Variants in DCLK1 observed in about 807,000 individuals in gnomAD.
DCLK1 encodes the protein serine/threonine-protein kinase DCLK1.
DCLK1 carries 16 observed loss-of-function variants against 86.2 expected under a neutral mutation model. That is an observed-to-expected ratio of 0.19 (90% CI 0.13 to 0.28). DCLK1 has a LOEUF of 0.28. Ranked by LOEUF, DCLK1 falls within the 10% of genes least tolerant of loss-of-function variation. The pLI, the probability that DCLK1 is intolerant of heterozygous loss-of-function variation, is 1.00. For synonymous variants in DCLK1, 369 were observed against 370.5 expected, an observed-to-expected ratio of 1.00 and a Z score of 0.05; for missense variants, 590 against 940.2, an observed-to-expected ratio of 0.63 and a Z score of 4.87.
intron 5 of DCLK1, among the ~76,000 whole-genome samples, chr13:35,869,482 G>A (rs1410648757): frequency 6.6e-6 from 1 of 152,186 alleles, no homozygotes; most frequent in Non-Finnish European, 1.5e-5. Context: ...CTCTTGGATT[G>A]CAAGGACACT....
intron 3 of DCLK1, among the ~76,000 whole-genome samples, chr13:36,051,976 T>C (rs1361577996): frequency 6.6e-6 from 1 of 152,182 alleles, no homozygotes; most frequent in Non-Finnish European, 1.5e-5. Flanking sequence ...AAAGTTAAAT[T>C]ACCTTCTTAG....
chr13:35,994,605 G>T (rs1880394298), intron 3 of DCLK1, among the ~76,000 whole-genome samples: 1 of 152,128 alleles, frequency 6.6e-6, no homozygotes, highest in South Asian at 2.1e-4. Flanking sequence ...TTTTAGAAAA[G>T]ATATTTCATG....
At chr13:36,053,141 G>C (rs576262242) in intron 3 of DCLK1, among the ~76,000 whole-genome samples, 1 of 152,130 alleles carries the variant, frequency 6.6e-6, no homozygotes. Flanking sequence ...TAAAAGGAAT[G>C]CTATATTTAA....
intron 3 of DCLK1, among the ~76,000 whole-genome samples, chr13:35,965,355 G>A (rs528412430): frequency 2.6e-5 from 4 of 152,260 alleles, no homozygotes; most frequent in South Asian, 4.2e-4. Context: ...CCAAAGGACC[G>A]GCTCCACTGA....
intron 3 of DCLK1, among the ~76,000 whole-genome samples, chr13:35,957,000 G>A (rs1878023676): frequency 6.7e-6 from 1 of 149,534 alleles, no homozygotes; most frequent in African/African-American, 2.5e-5. Context: ...GTTTATTCTT[G>A]TATCAGTTTA....
chr13:36,039,821 C>T lies in DCLK1; in HGVS notation c.723+72048G>A, dbSNP rs559534993. Reference sequence around the variant, plus strand: ...AATTTATTAGCAAAACACTTTTGAACGCAGTGTCTAATAAAGTATATTTTC... The same window carrying T: ...AATTTATTAGCAAAACACTTTTGAATGCAGTGTCTAATAAAGTATATTTTC... On this transcript the variant is annotated intron_variant, in intron 3 of 16. Transcript: ENST00000360631. Among the ~76,000 whole-genome samples the T allele has an allele frequency of 7.9e-5, 12 of 152,052 alleles. 1 individual carries two copies. The highest frequency in any genetic ancestry group is 4.1e-4 in the South Asian group (2 of 4,820).
intron 3 of DCLK1, among the ~76,000 whole-genome samples, chr13:36,023,109 G>T (rs986339349): frequency 6.6e-6 from 1 of 152,142 alleles, no homozygotes; most frequent in African/African-American, 2.4e-5. Flanking sequence ...TATTAGTCAG[G>T]GTTCTCCAGA....
At chr13:35,835,882 G>C (rs1869333557) in intron 8 of DCLK1, 151 bp downstream of exon 8, 1 of 562,792 alleles carries the variant, frequency 1.8e-6, no homozygotes, top group South Asian at 2.8e-5. Flanking sequence ...TTGTTAGATG[G>C]GTCTTTCTTT....
chr13:35,844,258 CTAG>C (rs1234198734), intron 6 of DCLK1, among the ~76,000 whole-genome samples: 40 of 152,178 alleles, frequency 2.6e-4, no homozygotes, highest in Middle Eastern at 6.8e-3. Flanking sequence ...TTTCAAAAGA[CTAG>C]AAAACTGTTA....
intron 3 of DCLK1, among the ~76,000 whole-genome samples, chr13:36,038,040 G>A (rs765578355): frequency 1.3e-5 from 2 of 152,048 alleles, no homozygotes; most frequent in South Asian, 2.1e-4. Context: ...TCTTGGAGGC[G>A]GTGACTGTGA....
At chr13:35,902,532 G>A (rs114651156) in intron 4 of DCLK1, among the ~76,000 whole-genome samples, 1,565 of 152,304 alleles carry the variant, frequency 0.01, 33 homozygotes, top group African/African-American at 0.035. Flanking sequence ...AGCTGTGGGC[G>A]TAGATTGTGA....
intron 4 of DCLK1, among the ~76,000 whole-genome samples, chr13:35,887,686 G>A (rs1302461425): frequency 6.6e-6 from 1 of 151,924 alleles, no homozygotes; most frequent in Non-Finnish European, 1.5e-5. Context: ...CTGATCTTGT[G>A]AGCATAATTT....
chr13:36,013,341 T>C (rs1360071344), intron 3 of DCLK1, among the ~76,000 whole-genome samples: 3 of 151,198 alleles, frequency 2.0e-5, no homozygotes, highest in Admixed American at 6.6e-5. Context: ...GTTCTGTTTT[T>C]TCCCCATCTT....
intron 3 of DCLK1, among the ~76,000 whole-genome samples, chr13:36,089,984 A>G (rs1176997741): frequency 6.6e-6 from 1 of 152,326 alleles, no homozygotes; most frequent in East Asian, 1.9e-4. Context: ...CAAGTGTGCC[A>G]CATGCATTGT....
rs1593732773 is a variant in DCLK1, at chr13:35,919,117, C to A, written c.823+28241G>T. On this transcript the variant is annotated intron_variant, in intron 4 of 16. Transcript: ENST00000360631. The stretch of plus-strand genomic sequence containing the variant: ...AGGTTGGCCAGGCTGGTCTCGAACT[C>A]CTGACCTCAAGTGATCCGCCTGCCT... Among the ~76,000 whole-genome samples the A allele has an allele frequency of 2.0e-5, 3 of 152,062 alleles. No homozygotes were observed. The East Asian group carries it at 5.8e-4, about 29-fold the overall frequency.
intron 6 of DCLK1, chr13:35,849,920 T>C (rs1870487981): frequency 2.1e-6 from 2 of 959,750 alleles, no homozygotes; most frequent in Non-Finnish European, 2.5e-6. Flanking sequence ...ATTATGTATA[T>C]GATTGTAAGA....
At chr13:35,791,670 C>T (rs890430346) in intron 16 of DCLK1, among the ~76,000 whole-genome samples, 11 of 152,026 alleles carry the variant, frequency 7.2e-5, no homozygotes, top group African/African-American at 2.7e-4. Flanking sequence ...TTGTAAGACT[C>T]CTAGAATACT....
intron 3 of DCLK1, among the ~76,000 whole-genome samples, chr13:36,067,695 C>G (rs1490839477): frequency 3.3e-5 from 5 of 151,940 alleles, no homozygotes; most frequent in Non-Finnish European, 7.4e-5. Flanking sequence ...GGTGCCACAC[C>G]TCAGCTCTAC....
intron 4 of DCLK1, among the ~76,000 whole-genome samples, chr13:35,917,002 T>C (rs1196515583): frequency 6.6e-6 from 1 of 152,118 alleles, no homozygotes; most frequent in East Asian, 1.9e-4. Context: ...GAAAATAGCA[T>C]CATTATCGCT....
Sources: allele counts gnomAD v4.1 joint callset (sites outside exome capture counted in the v4.1 genomes callset), GRCh38; gene constraint gnomAD v4.1.1; transcripts MANE v1.5; gene names NCBI Gene and HGNC (gene_info 2026-07-23, HGNC 2026-07-21).